Variants in CDH13 observed in about 807,000 individuals in gnomAD.
CDH13 encodes the protein cadherin 13.
In CDH13, 24 loss-of-function variants were observed where a neutral mutation model predicts 63.8. The observed-to-expected ratio is 0.38, with a 90% CI of 0.27 to 0.53. The LOEUF (loss-of-function observed/expected upper bound fraction) is 0.53. Among genes scored for constraint, CDH13 ranks in the 20% least tolerant of loss-of-function variants. The probability of loss-of-function intolerance (pLI) is 0.85; values close to 1 mark genes in which losing one functional copy is unlikely to be tolerated. For missense variants in CDH13, 1,049 were observed against 903.1 expected, an observed-to-expected ratio of 1.16 and a Z score of -2.07; for synonymous variants, 503 against 355.3, an observed-to-expected ratio of 1.42 and a Z score of -4.67.
chr16:82,724,349 T>C (rs971598536), intron 1 of CDH13, among the ~76,000 whole-genome samples: 1 of 152,176 alleles, frequency 6.6e-6, no homozygotes, highest in Non-Finnish European at 1.5e-5. Flanking sequence ...TTGTCTTTTG[T>C]CAAATGCTCA....
At chr16:82,891,051 TTTTA>T (rs2041063653) in intron 2 of CDH13, among the ~76,000 whole-genome samples, 1 of 70,372 alleles carries the variant, frequency 1.4e-5, no homozygotes. Flanking sequence ...TTTTTTTTTT[TTTTA>T]AGTTTTGTTG....
At position 83,678,455 on chromosome 16, in the gene CDH13, C is replaced by T; in HGVS notation, c.1532C>T (p.Thr511Ile). ...GACCCCGACTCCCTGCAGCATCAAA[C>T]CATCAGGTGGGTGAGTGGCTCCGGA... is the stretch of plus-strand genomic sequence containing the variant. ...ATDPDSLQHQ[T>I]IRYSVYKDPA... The change falls in exon 10 of 14, where the codon ACC (threonine) becomes ATC (isoleucine). Residue 511 changes from threonine (T) to isoleucine (I), a missense_variant. By Grantham distance (89) the Thr-to-Ile change is moderately conservative. Coordinates refer to ENST00000567109, the MANE Select transcript of CDH13 (RefSeq NM_001257.5). 1 of 1,613,918 alleles carries T rather than the reference C, an allele frequency of 6.2e-7. No individual in the cohort carries two copies. The highest frequency in any genetic ancestry group is 8.5e-7 in the Non-Finnish European group (1 of 1,179,846).
At chr16:83,259,552 C>T (rs566795932) in intron 5 of CDH13, among the ~76,000 whole-genome samples, 7 of 152,170 alleles carry the variant, frequency 4.6e-5, no homozygotes, top group East Asian at 1.9e-4. Context: ...AGGAAATGTG[C>T]GACATAGTAC....
intron 1 of CDH13, among the ~76,000 whole-genome samples, chr16:82,725,740 A>G (rs1304988897): frequency 6.6e-6 from 1 of 152,168 alleles, no homozygotes; most frequent in African/African-American, 2.4e-5. Context: ...TTTGAACACC[A>G]TCCTCATTCC....
chr16:83,291,511 T>G (rs1380971628), intron 5 of CDH13, among the ~76,000 whole-genome samples: 1 of 152,128 alleles, frequency 6.6e-6, no homozygotes, highest in Non-Finnish European at 1.5e-5. Flanking sequence ...TAGCAAGATA[T>G]TAGAAGTCCT....
chr16:83,266,041 A>AT (rs768247086), intron 5 of CDH13, among the ~76,000 whole-genome samples: 2 of 152,034 alleles, frequency 1.3e-5, no homozygotes, highest in Non-Finnish European at 2.9e-5. Context: ...GCTTCAAGCG[A>AT]TTCTCCTGCC....
chr16:82,683,326 C>A (rs186730757), intron 1 of CDH13, among the ~76,000 whole-genome samples: 11 of 152,186 alleles, frequency 7.2e-5, no homozygotes, highest in Non-Finnish European at 1.6e-4. Context: ...CCAACCTCCC[C>A]GCTTTCTGGT....
intron 1 of CDH13, among the ~76,000 whole-genome samples, chr16:82,702,559 A>G (rs2031129813): frequency 6.6e-6 from 1 of 152,212 alleles, no homozygotes; most frequent in African/African-American, 2.4e-5. Context: ...CATCAGATGA[A>G]CAATTTTGGA....
intron 5 of CDH13, among the ~76,000 whole-genome samples, chr16:83,253,460 G>A (rs371051196): frequency 3.3e-4 from 50 of 152,330 alleles, no homozygotes; most frequent in Admixed American, 8.5e-4. Context: ...CTGTGTGGTC[G>A]TGTTGAGAGA....
intron 1 of CDH13, among the ~76,000 whole-genome samples, chr16:82,803,399 T>A (rs541697349): frequency 6.6e-6 from 1 of 152,336 alleles, no homozygotes; most frequent in South Asian, 2.1e-4. Flanking sequence ...TTACTGACTT[T>A]CTTAGCATGC....
chr16:83,507,177 C>T (rs997077723), intron 7 of CDH13, among the ~76,000 whole-genome samples: 4 of 152,206 alleles, frequency 2.6e-5, no homozygotes, highest in Non-Finnish European at 5.9e-5. Context: ...ATCCCTCTTT[C>T]TTCATTTTCT....
At chr16:83,516,684 C>T (rs536640083) in intron 7 of CDH13, among the ~76,000 whole-genome samples, 1 of 152,342 alleles carries the variant, frequency 6.6e-6, no homozygotes, top group African/African-American at 2.4e-5. Context: ...TAAGTACCTA[C>T]TCTCTTCCAG....
chr16:82,977,993 G>A (rs1157607338), intron 2 of CDH13, among the ~76,000 whole-genome samples: 2 of 152,118 alleles, frequency 1.3e-5, no homozygotes, highest in East Asian at 3.9e-4. Context: ...TGAAGATGAG[G>A]AACTTGTTGG....
At chr16:83,189,254 C>G (rs936468116) in intron 4 of CDH13, among the ~76,000 whole-genome samples, 27 of 152,216 alleles carry the variant, frequency 1.8e-4, no homozygotes, top group Admixed American at 2.0e-4. Context: ...AGACCCTCAG[C>G]TGCAAGCTCA....
At position 83,779,405 on chromosome 16, in the gene CDH13, T is replaced by TAAAAAAAAAAAAAAA. The variant is rs1174439191; in HGVS notation, c.1682-563_1682-562insAAAAAAAAAAAAAAA. ...CCGGGCGACAGCGCGAGACTCCATC[T>TAAAAAAAAAAAAAAA]CAAAAAAAAAAAAAAAAAAAAAAAA... On this transcript the variant is annotated intron_variant, in intron 11 of 13. Coordinates refer to ENST00000567109, the MANE Select transcript of CDH13 (RefSeq NM_001257.5). 1.5e-4 allele frequency among the ~76,000 whole-genome samples: 10 copies of TAAAAAAAAAAAAAAA among 67,810 alleles called. 3 individuals are homozygous for TAAAAAAAAAAAAAAA. The highest frequency in any genetic ancestry group is 4.5e-4 in the Admixed American group (2 of 4,472). The allele number at this position is 67,810 out of a possible 152,430, so 44.5% of individuals were successfully genotyped here.
At chr16:83,512,147 C>T (rs1383835779) in intron 7 of CDH13, among the ~76,000 whole-genome samples, 2 of 147,874 alleles carry the variant, frequency 1.4e-5, no homozygotes, top group Non-Finnish European at 3.0e-5. Context: ...CGGTGAAACT[C>T]CATCTGTCCT....
At chr16:83,554,275 C>A (rs2075562601) in intron 7 of CDH13, among the ~76,000 whole-genome samples, 1 of 150,756 alleles carries the variant, frequency 6.6e-6, no homozygotes, top group Non-Finnish European at 1.5e-5. Context: ...GCCTGAAAAT[C>A]ACAGGATCCC....
At chr16:82,821,411 C>CTAT (rs1347068735) in intron 1 of CDH13, among the ~76,000 whole-genome samples, 1 of 152,160 alleles carries the variant, frequency 6.6e-6, no homozygotes. Flanking sequence ...TGAAGTTGGC[C>CTAT]TATGCCCCTT....
intron 6 of CDH13, among the ~76,000 whole-genome samples, chr16:83,443,513 C>G (rs966398209): frequency 1.3e-5 from 2 of 151,740 alleles, no homozygotes; most frequent in African/African-American, 4.8e-5. Flanking sequence ...TTCTGAAGTA[C>G]TAAAAGCAGA....
Sources: gnomAD v4.1 joint callset for allele counts (sites outside exome capture counted in the v4.1 genomes callset) on GRCh38, gnomAD v4.1.1 for gene constraint, MANE v1.5 for transcripts, NCBI Gene and HGNC (gene_info 2026-07-23, HGNC 2026-07-21) for gene names.